Variants in WWOX observed in about 807,000 individuals in gnomAD.
WWOX encodes the protein WW domain containing oxidoreductase.
In WWOX, 69 loss-of-function variants were observed where a neutral mutation model predicts 46.2. The ratio of observed to expected loss-of-function variants is 1.49; its 90% CI spans 1.23 to 1.82. The LOEUF is 1.82. Ranked by LOEUF, WWOX falls within the 40% of genes most tolerant of loss-of-function variation. WWOX has a pLI of 0.00. For missense variants in WWOX, 919 were observed against 542.6 expected (o/e 1.69, Z -6.89); for synonymous variants, 359 against 202.6 (o/e 1.77, Z -6.56).
intron 8 of WWOX, among the ~76,000 whole-genome samples, chr16:78,564,313 C>G: frequency 6.6e-6 from 1 of 152,296 alleles, no homozygotes; most frequent in Middle Eastern, 3.4e-3. Flanking sequence ...AGTGTTTGCC[C>G]TTTTCCTCAG....
intron 8 of WWOX, among the ~76,000 whole-genome samples, chr16:79,172,368 G>C (rs28568544): frequency 0.058 from 8,873 of 152,176 alleles, 876 homozygotes; most frequent in African/African-American, 0.2. Flanking sequence ...TTTCAGAGCA[G>C]GCAGCCCTTT....
chr16:79,209,282 C>T (rs566918331), intron 8 of WWOX, among the ~76,000 whole-genome samples: 6 of 152,288 alleles, frequency 3.9e-5, no homozygotes, highest in African/African-American at 1.2e-4. Flanking sequence ...CATTCTGAAT[C>T]AATGGGACTG....
chr16:78,536,563 G>A (rs1448602476), intron 8 of WWOX, among the ~76,000 whole-genome samples: 1 of 152,106 alleles, frequency 6.6e-6, no homozygotes, highest in Non-Finnish European at 1.5e-5. Flanking sequence ...ACATATCCCA[G>A]TGTATATGGT....
At chr16:78,941,691 G>A (rs1012324704) in intron 8 of WWOX, among the ~76,000 whole-genome samples, 3 of 152,122 alleles carry the variant, frequency 2.0e-5, no homozygotes, top group Non-Finnish European at 4.4e-5. Context: ...CTACTCACAG[G>A]AAAGAAGAAA....
At chr16:78,430,304 C>T (rs964759582) in intron 7 of WWOX, among the ~76,000 whole-genome samples, 3 of 152,130 alleles carry the variant, frequency 2.0e-5, no homozygotes, top group South Asian at 2.1e-4. Context: ...GGGGTTATTA[C>T]AATTCAGTGT....
In WWOX at chr16:78,759,958, G is replaced by C. The variant is rs367919193; in HGVS notation, c.1056+327206G>C. 1.3e-4 allele frequency among the ~76,000 whole-genome samples: 20 copies of C among 152,224 alleles called. No homozygotes were observed. In the East Asian group the frequency reaches 3.5e-3, roughly 26 times the overall value. On this transcript the variant is annotated intron_variant, in intron 8 of 8. Transcript: ENST00000566780. ...TATCCCTTCTTTTTTCTGTGACTCTGACCTTCTTGCTTCCCTCTTACAATG... is the reference window on the plus strand; with the variant it reads ...TATCCCTTCTTTTTTCTGTGACTCTCACCTTCTTGCTTCCCTCTTACAATG...
At chr16:78,964,422 T>G (rs2151315801) in intron 8 of WWOX, among the ~76,000 whole-genome samples, 1 of 152,354 alleles carries the variant, frequency 6.6e-6, no homozygotes, top group South Asian at 2.1e-4. Flanking sequence ...TGGCAGCATT[T>G]TGCCCCTGCG....
Position 78,535,582 on chromosome 16 carries a change from T to G in WWOX, c.1056+102830T>G, listed in dbSNP as rs558770594. On this transcript the variant is annotated intron_variant, in intron 8 of 8. Coordinates refer to ENST00000566780, the MANE Select transcript of WWOX (RefSeq NM_016373.4). The stretch of plus-strand genomic sequence containing the variant: ...TTTTCTGTCTCTGATGCCACGGACC[T>G]TTGAAATATTTTTTTGAAAAGAAGG... 4 of 152,316 alleles carry G rather than the reference T, an allele frequency of 2.6e-5. No homozygotes were observed. In the East Asian group the frequency reaches 7.7e-4, roughly 29 times the overall value. The allele number at this position is 152,316 out of a possible 1,614,324, so 9.4% of individuals were successfully genotyped here.
intron 8 of WWOX, among the ~76,000 whole-genome samples, chr16:78,616,778 T>A (rs2046035733): frequency 6.6e-6 from 1 of 151,476 alleles, no homozygotes; most frequent in Non-Finnish European, 1.5e-5. Flanking sequence ...ACACTAATAA[T>A]AATAAAGTAA....
intron 8 of WWOX, among the ~76,000 whole-genome samples, chr16:78,824,636 G>A (rs2051598397): frequency 6.6e-6 from 1 of 152,184 alleles, no homozygotes; most frequent in Non-Finnish European, 1.5e-5. Flanking sequence ...TTACACGGCA[G>A]CGGCAAGAGA....
At chr16:78,955,118 A>G (rs955232464) in intron 8 of WWOX, among the ~76,000 whole-genome samples, 2 of 152,134 alleles carry the variant, frequency 1.3e-5, no homozygotes, top group African/African-American at 2.4e-5. Flanking sequence ...GTTGAAGACT[A>G]TATTGAATTT....
chr16:78,747,086 CTTCT>C (rs2049365420), intron 8 of WWOX, among the ~76,000 whole-genome samples: 1 of 152,028 alleles, frequency 6.6e-6, no homozygotes. Flanking sequence ...CCACTCTAGT[CTTCT>C]TTCTTTTCCT....
At chr16:78,729,122 C>T (rs2048904042) in intron 8 of WWOX, among the ~76,000 whole-genome samples, 1 of 151,954 alleles carries the variant, frequency 6.6e-6, no homozygotes, top group African/African-American at 2.4e-5. Flanking sequence ...GCAGGCGGAT[C>T]ACTTGAGCTC....
At chr16:78,665,523 G>C (rs1239235584) in intron 8 of WWOX, among the ~76,000 whole-genome samples, 10 of 152,078 alleles carry the variant, frequency 6.6e-5, no homozygotes, top group Admixed American at 6.5e-4. Context: ...CCTTGAGGCA[G>C]AAACTTTAAC....
intron 8 of WWOX, among the ~76,000 whole-genome samples, chr16:78,797,268 A>T (rs1042346779): frequency 6.7e-6 from 1 of 149,772 alleles, no homozygotes; most frequent in Non-Finnish European, 1.5e-5. Flanking sequence ...CAAGTCAGCC[A>T]CCTCTGACCC....
intron 5 of WWOX, among the ~76,000 whole-genome samples, chr16:78,176,760 A>G (rs1216918756): frequency 6.6e-6 from 1 of 152,230 alleles, no homozygotes; most frequent in Non-Finnish European, 1.5e-5. Flanking sequence ...TAGTTGATGA[A>G]TTACAGGATG....
chr16:78,515,437 T>G (rs983410959), intron 8 of WWOX, among the ~76,000 whole-genome samples: 10 of 152,162 alleles, frequency 6.6e-5, no homozygotes, highest in African/African-American at 2.4e-4. Context: ...AGAGGCACAC[T>G]GAGATGAGAC....
chr16:78,687,654 A>G (rs899045638), intron 8 of WWOX, among the ~76,000 whole-genome samples: 1 of 152,254 alleles, frequency 6.6e-6, no homozygotes, highest in African/African-American at 2.4e-5. Context: ...CTTGGTTAGC[A>G]CAGCCTCTAT....
chr16:78,865,865 G>C (rs1269740775), intron 8 of WWOX, among the ~76,000 whole-genome samples: 2 of 152,326 alleles, frequency 1.3e-5, no homozygotes, highest in East Asian at 3.9e-4. Flanking sequence ...GGCGATGAGT[G>C]AAACTCCGTC....
Sources: gnomAD v4.1 joint callset for allele counts (sites outside exome capture counted in the v4.1 genomes callset) on GRCh38, gnomAD v4.1.1 for gene constraint, MANE v1.5 for transcripts, NCBI Gene and HGNC (gene_info 2026-07-23, HGNC 2026-07-21) for gene names.